SEMA3C: variants seen among roughly 807,000 people sequenced by gnomAD.
SEMA3C encodes the protein semaphorin-3C.
Under a neutral mutation model 89.4 loss-of-function variants are expected in SEMA3C, and 47 were observed. The observed-to-expected ratio is 0.53, with a 90% CI of 0.42 to 0.67. The LOEUF is 0.67. Ranked by LOEUF, SEMA3C falls within the 30% of genes least tolerant of loss-of-function variation. The pLI is 0.00. For synonymous variants in SEMA3C, 310 were observed against 320.2 expected (o/e 0.97, Z 0.34); for missense variants, 839 against 929.1 (o/e 0.90, Z 1.26).
In SEMA3C at chr7:80,805,552, T is replaced by TA. The variant is rs574073029; in HGVS notation, c.658+86dup. 4.8e-4 allele frequency: 564 copies of TA among 1,184,740 alleles called. 8 individuals are homozygous for TA. The South Asian group carries it at 9.5e-3, about 20-fold the overall frequency. 73.4% of individuals were successfully genotyped at this position (1,184,740 alleles called of 1,614,324 possible). On this transcript the variant is annotated intron_variant, in intron 7 of 17. Coordinates refer to ENST00000265361, the MANE Select transcript of SEMA3C (RefSeq NM_006379.5). ...TGTAATAGCCTGCTATTTTAGTTTT[T>TA]AACCATTTTCCCTAGTTGTTAGGAT...
Position 80,743,315 on chromosome 7 carries a change from A to G in SEMA3C, c.*1579T>C, listed in dbSNP as rs1583833061. 1 of 152,054 alleles carries G rather than the reference A, an allele frequency of 6.6e-6. No individual in the cohort carries two copies. Among genetic ancestry groups the G allele is most frequent in the Middle Eastern group, 3.4e-3 (1 of 294 alleles). The allele number at this position is 152,054 out of a possible 1,614,324, so 9.4% of individuals were successfully genotyped here. ...TATCATAATTTATCATAGTTTAAAT[A>G]GTGAATCATATTCTGATATTCTGAT... On this transcript the variant is annotated 3_prime_UTR_variant, in exon 18 of 18. Transcript: ENST00000265361.
In SEMA3C at chr7:80,828,577, A is replaced by G. The variant is rs758165878; in HGVS notation, c.264+8T>C. 23 of 1,598,640 alleles carry G rather than the reference A, an allele frequency of 1.4e-5. No individual in the cohort carries two copies. The African/African-American group carries it at 2.5e-4, about 18-fold the overall frequency. On this transcript the variant is annotated splice_region_variant and intron_variant, in intron 3 of 17. Transcript: ENST00000265361. ...TGGACACTGTCCTCGTGAAAGTGAT[A>G]AACTTACACTCAAAGCTTCTTGACT... is the stretch of plus-strand genomic sequence containing the variant.
At position 80,761,646 on chromosome 7, in the gene SEMA3C, A is replaced by T; in HGVS notation, c.1455T>A (p.Pro485=). 1 of 1,348,486 alleles carries T rather than the reference A, an allele frequency of 7.4e-7. No individual in the cohort carries two copies. The highest frequency in any genetic ancestry group is 1.0e-6 in the Non-Finnish European group (1 of 978,056). 83.5% of individuals were successfully genotyped at this position (1,348,486 alleles called of 1,614,324 possible). A position where few individuals can be genotyped will look rare whatever the true frequency, so the allele number is the denominator to read the frequency against. ...TAGATGAAATTTTCATTGTTGTTAT[A>T]GGAGCATGATTCTAAAATATTAGAA... is the stretch of plus-strand genomic sequence containing the variant. ...EELEVFKNHA[P]ITTMKISSKK... is the part of the protein sequence containing the mutation. Residue 485 remains proline (P), a synonymous_variant, in exon 14 of 18, where the codon CCT becomes CCA. Coordinates refer to ENST00000265361, the MANE Select transcript of SEMA3C (RefSeq NM_006379.5).
chr7:80,886,002 G>T (rs546754612), intron 2 of SEMA3C, among the ~76,000 whole-genome samples: 59 of 152,112 alleles, frequency 3.9e-4, no homozygotes, highest in Non-Finnish European at 4.6e-4. Context: ...TTTAGTTTCA[G>T]TTGTCCCCTT....
At chr7:80,896,365 C>A (rs997590128) in intron 2 of SEMA3C, among the ~76,000 whole-genome samples, 2 of 152,190 alleles carry the variant, frequency 1.3e-5, no homozygotes, top group African/African-American at 4.8e-5. Context: ...GTTGCTCCAA[C>A]TCTAGGAGTC....
At chr7:80,840,790 G>A (rs1247683164) in intron 2 of SEMA3C, among the ~76,000 whole-genome samples, 1 of 152,004 alleles carries the variant, frequency 6.6e-6, no homozygotes, top group African/African-American at 2.4e-5. Flanking sequence ...TATTAACTAA[G>A]CCACTCAATA....
chr7:80,900,152 T>C (rs1791841938), intron 2 of SEMA3C, among the ~76,000 whole-genome samples: 1 of 152,028 alleles, frequency 6.6e-6, no homozygotes, highest in African/African-American at 2.4e-5. Flanking sequence ...CTCGCTCTGT[T>C]GCCCAGGCTG....
intron 15 of SEMA3C, among the ~76,000 whole-genome samples, chr7:80,756,148 CCT>C (rs988585347): frequency 6.6e-6 from 1 of 152,142 alleles, no homozygotes; most frequent in Non-Finnish European, 1.5e-5. Flanking sequence ...CATGTAACAT[CCT>C]CTTTTTCCTC....
In SEMA3C at chr7:80,894,893, C is replaced by T. The variant is rs367711519; in HGVS notation, c.103+21786G>A. On this transcript the variant is annotated intron_variant, in intron 2 of 17. Coordinates refer to ENST00000265361, the MANE Select transcript of SEMA3C (RefSeq NM_006379.5). ...CACAAGTAATAAGTATATCCAAGTTCTAGTTACGCTGCCTAGTAGCCAAGA... is the reference window on the plus strand; with the variant it reads ...CACAAGTAATAAGTATATCCAAGTTTTAGTTACGCTGCCTAGTAGCCAAGA... 2.0e-5 allele frequency among the ~76,000 whole-genome samples: 3 copies of T among 152,258 alleles called. No homozygotes were observed. The East Asian group carries it at 5.8e-4, about 29-fold the overall frequency.
chr7:80,894,605 T>C (rs17154586), intron 2 of SEMA3C, among the ~76,000 whole-genome samples: 5,079 of 152,238 alleles, frequency 0.033, 184 homozygotes, highest in Admixed American at 0.095. Flanking sequence ...TGACTACACA[T>C]TATTACTTTT....
Position 80,814,434 on chromosome 7 carries a change from T to G in SEMA3C, c.448-3733A>C, listed in dbSNP as rs564139805. Among the ~76,000 whole-genome samples the G allele has an allele frequency of 3.3e-5, 5 of 152,226 alleles. No homozygotes were observed. The South Asian group carries it at 8.3e-4, about 25-fold the overall frequency. ...GTTTGTAAGTTCATGTTCCTCTAAT[T>G]GGCCATTAAAGTTAGGAGACCCTCA... On this transcript the variant is annotated intron_variant, in intron 5 of 17. Transcript: ENST00000265361.
rs866577190 is a variant in SEMA3C at position 80,863,885 on chromosome 7, A to C, written c.104-35140T>G. Among the ~76,000 whole-genome samples, 13 of 122,084 alleles carry C rather than the reference A, an allele frequency of 1.1e-4. 1 individual carries two copies. The highest frequency in any genetic ancestry group is 4.6e-4 in the African/African-American group (12 of 26,294). 80.1% of individuals were successfully genotyped at this position (122,084 alleles called of 152,430 possible). A position where few individuals can be genotyped will look rare whatever the true frequency, so the allele number is the denominator to read the frequency against. Reference sequence around the variant, plus strand: ...TGTATCACATATATATGTATCACATATATATCACACATATATTACATATAT... The same window carrying C: ...TGTATCACATATATATGTATCACATCTATATCACACATATATTACATATAT... On this transcript the variant is annotated intron_variant, in intron 2 of 17. Transcript: ENST00000265361.
At chr7:80,880,576 AC>A (rs1354574968) in intron 2 of SEMA3C, among the ~76,000 whole-genome samples, 11 of 152,194 alleles carry the variant, frequency 7.2e-5, no homozygotes, top group African/African-American at 2.7e-4. Flanking sequence ...GGGAAATGCA[AC>A]TGAAATGTGT....
intron 12 of SEMA3C, among the ~76,000 whole-genome samples, chr7:80,777,287 T>G (rs2117084872): frequency 6.6e-6 from 1 of 152,182 alleles, no homozygotes; most frequent in Admixed American, 6.5e-5. Flanking sequence ...TAATAAATTA[T>G]TTTTTATTTG....
Position 80,818,071 on chromosome 7 carries a change from C to T in SEMA3C, c.447+228G>A, listed in dbSNP as rs189105905. ...AACTAAAAGTATACACACACACACACACACACACATATAATACACATAAAA... is the reference window on the plus strand; with the variant it reads ...AACTAAAAGTATACACACACACACATACACACACATATAATACACATAAAA... On this transcript the variant is annotated intron_variant, in intron 5 of 17. Transcript: ENST00000265361. Among the ~76,000 whole-genome samples the T allele has an allele frequency of 1.4e-4, 21 of 151,924 alleles. No homozygotes were observed. In the East Asian group the frequency reaches 3.9e-3, roughly 28 times the overall value.
intron 11 of SEMA3C, 24 bp from the exon 12 acceptor site, chr7:80,789,552 C>A: frequency 6.8e-7 from 1 of 1,481,016 alleles, no homozygotes; most frequent in Non-Finnish European, 9.1e-7. Context: ...TTTAAAGAAC[C>A]AAGTTAATAA....
Position 80,789,122 on chromosome 7 carries a change from C to T in SEMA3C, c.1354+184G>A, listed in dbSNP as rs564882676. ...TTCCTCACAAGAACTCTATAATTTA[C>T]TTTATTAGCTTCATTTTACAGATGT... On this transcript the variant is annotated intron_variant, in intron 12 of 17. Transcript: ENST00000265361. Among the ~76,000 whole-genome samples, 28 of 152,074 alleles carry T rather than the reference C, an allele frequency of 1.8e-4. No homozygotes were observed. The South Asian group carries it at 5.6e-3, about 30-fold the overall frequency.
At chr7:80,873,370 C>T (rs1791118249) in intron 2 of SEMA3C, among the ~76,000 whole-genome samples, 1 of 152,106 alleles carries the variant, frequency 6.6e-6, no homozygotes, top group Non-Finnish European at 1.5e-5. Context: ...TTGCACAGTG[C>T]TTTATTACTA....
chr7:80,758,010 G>A (rs1179647317), intron 15 of SEMA3C, among the ~76,000 whole-genome samples: 1 of 151,926 alleles, frequency 6.6e-6, no homozygotes, highest in Admixed American at 6.6e-5. Flanking sequence ...TATAAATTAG[G>A]TGATACAAAA....
Sources: allele counts gnomAD v4.1 joint callset (sites outside exome capture counted in the v4.1 genomes callset), GRCh38; gene constraint gnomAD v4.1.1; transcripts MANE v1.5; gene names NCBI Gene and HGNC (gene_info 2026-07-23, HGNC 2026-07-21).